Variants in KDM5A observed in about 807,000 individuals in gnomAD.
The protein encoded by KDM5A is lysine-specific demethylase 5A.
In KDM5A, 42 loss-of-function variants were observed where a neutral mutation model predicts 193.5. The observed-to-expected ratio is 0.22, with a 90% CI of 0.17 to 0.28. The LOEUF (loss-of-function observed/expected upper bound fraction) is 0.28. Ranked by LOEUF, KDM5A falls within the 10% of genes least tolerant of loss-of-function variation. The pLI, the probability that KDM5A is intolerant of heterozygous loss-of-function variation, is 1.00. For missense variants in KDM5A, 1,692 were observed against 2,055.1 expected, an observed-to-expected ratio of 0.82 and a Z score of 3.42; for synonymous variants, 796 against 718.1, an observed-to-expected ratio of 1.11 and a Z score of -1.73.
At position 307,224 on chromosome 12, in the gene KDM5A, C is replaced by T; in HGVS notation, c.3931-135G>A. The T allele has an allele frequency of 8.9e-7, 1 of 1,125,812 alleles. No homozygotes were observed. The highest frequency in any genetic ancestry group is 1.3e-6 in the Non-Finnish European group (1 of 763,388). The allele number at this position is 1,125,812 out of a possible 1,614,324, so 69.7% of individuals were successfully genotyped here. Reference sequence around the variant, plus strand: ...GAGTTCTTCAACAGTTAGTAGAAATCAAATTATTTGATTATGATGCCAAAG... The same window carrying T: ...GAGTTCTTCAACAGTTAGTAGAAATTAAATTATTTGATTATGATGCCAAAG... On this transcript the variant is annotated intron_variant, in intron 23 of 27. Transcript: ENST00000399788. This position sits in a 1 kb window ranked among gnomAD's most constrained non-coding sequence, Gnocchi z 4.3.
At chr12:384,183 G>C (rs199982060) in intron 2 of KDM5A, 30 bp from the exon 3 acceptor site, 2 of 1,520,492 alleles carry the variant, frequency 1.3e-6, no homozygotes, top group South Asian at 2.2e-5. Flanking sequence ...GAAGAACTAA[G>C]TTATGATTGA....
rs1243894634 is a variant in KDM5A at position 296,188 on chromosome 12, C to T, written c.4235-395G>A. ...ACAAAAAATTAGCCAAGCGTGGTGG[C>T]GCATGCCTATAAATCCCAGCTACTC... is the stretch of plus-strand genomic sequence containing the variant. On this transcript the variant is annotated intron_variant, in intron 25 of 27. Coordinates refer to ENST00000399788, the MANE Select transcript of KDM5A (RefSeq NM_001042603.3). 7.9e-5 allele frequency among the ~76,000 whole-genome samples: 12 copies of T among 151,774 alleles called. 1 individual carries two copies. The highest frequency in any genetic ancestry group is 6.6e-4 in the Admixed American group (10 of 15,236).
intron 14 of KDM5A, among the ~76,000 whole-genome samples, chr12:327,261 G>A (rs1389713763): frequency 1.3e-5 from 2 of 152,156 alleles, no homozygotes; most frequent in African/African-American, 2.4e-5. Context: ...GTCCCATTCA[G>A]GTTAAATCTG....
At chr12:301,155 G>C (rs747197923) in intron 24 of KDM5A, among the ~76,000 whole-genome samples, 10 of 152,084 alleles carry the variant, frequency 6.6e-5, no homozygotes, top group African/African-American at 9.7e-5. Context: ...AGAAAAAGAG[G>C]GAATCCTCCC....
chr12:287,376 A>G (rs1943231704), intron 27 of KDM5A, among the ~76,000 whole-genome samples: 1 of 152,106 alleles, frequency 6.6e-6, no homozygotes, highest in Non-Finnish European at 1.5e-5. Flanking sequence ...GTAAATTCAG[A>G]GCAACTTAAC....
chr12:345,127 T>G (rs570968440), intron 10 of KDM5A, among the ~76,000 whole-genome samples: 5 of 151,156 alleles, frequency 3.3e-5, no homozygotes, highest in African/African-American at 1.2e-4. Flanking sequence ...TCCCAGTCTC[T>G]GATAAAACAG....
At chr12:349,491 G>A (rs1944122867) in intron 10 of KDM5A, among the ~76,000 whole-genome samples, 3 of 151,248 alleles carry the variant, frequency 2.0e-5, no homozygotes, top group African/African-American at 4.9e-5. Context: ...CACCATACTC[G>A]GCTAATTTTT....
intron 3 of KDM5A, among the ~76,000 whole-genome samples, chr12:377,239 A>G (rs1944517795): frequency 6.6e-6 from 1 of 152,208 alleles, no homozygotes; most frequent in South Asian, 2.1e-4. Context: ...AGCTATAGGT[A>G]AGTAAACTAA....
At chr12:378,560 C>T (rs980974670) in intron 3 of KDM5A, among the ~76,000 whole-genome samples, 1 of 152,078 alleles carries the variant, frequency 6.6e-6, no homozygotes, top group South Asian at 2.1e-4. Context: ...CCCACTATAC[C>T]CAGCCAAAGC....
At chr12:330,958 AC>A (rs1382083497) in intron 13 of KDM5A, among the ~76,000 whole-genome samples, 1 of 152,138 alleles carries the variant, frequency 6.6e-6, no homozygotes, top group East Asian at 1.9e-4. Context: ...AAGCAACATA[AC>A]AGCCACTAAA....
intron 10 of KDM5A, 128 bp downstream of exon 10, chr12:350,493 C>A: frequency 2.0e-5 from 15 of 738,546 alleles, no homozygotes; most frequent in South Asian, 3.2e-5. Flanking sequence ...GTTTTCAAAA[C>A]TGAAGATTAT....
intron 26 of KDM5A, among the ~76,000 whole-genome samples, 183 bp downstream of exon 26, chr12:295,390 G>C (rs1027402144): frequency 2.8e-4 from 42 of 151,744 alleles, no homozygotes; most frequent in Admixed American, 6.6e-4. Flanking sequence ...GAGGAAGGAG[G>C]GAGGGAGGCA....
At chr12:290,434 G>T (rs964960797) in intron 27 of KDM5A, among the ~76,000 whole-genome samples, 1 of 152,078 alleles carries the variant, frequency 6.6e-6, no homozygotes, top group Non-Finnish European at 1.5e-5. Context: ...TTTACGTATC[G>T]TAACAGTTCA....
rs566855083 is a variant in KDM5A, at chr12:281,135, A to G, written c.*4321T>C. ...TTTTTAAATCTTTTAGATGTAATGCAATTAACCATATCTAATATTCTTTTA... is the reference window on the plus strand; with the variant it reads ...TTTTTAAATCTTTTAGATGTAATGCGATTAACCATATCTAATATTCTTTTA... On this transcript the variant is annotated 3_prime_UTR_variant, in exon 28 of 28. Transcript: ENST00000399788. The G allele has an allele frequency of 6.0e-5, 14 of 233,140 alleles. No homozygotes were observed. The South Asian group carries it at 1.3e-3, about 21-fold the overall frequency. The allele number at this position is 233,140 out of a possible 1,614,324, so 14.4% of individuals were successfully genotyped here. A position where few individuals can be genotyped will look rare whatever the true frequency, so the allele number is the denominator to read the frequency against.
In KDM5A at chr12:285,239, C is replaced by G. The variant is rs577881368; in HGVS notation, c.*217G>C. 324 of 591,662 alleles carry G rather than the reference C, an allele frequency of 5.5e-4. No individual in the cohort carries two copies. The highest frequency in any genetic ancestry group is 9.2e-4 in the Non-Finnish European group (305 of 332,070). 36.7% of individuals were successfully genotyped at this position (591,662 alleles called of 1,614,324 possible). On this transcript the variant is annotated 3_prime_UTR_variant, in exon 28 of 28. Transcript: ENST00000399788. ...ACTCAAAGGAGACATGAAATATTGG[C>G]TGTTGTACCAAAGAAGACACCCTCT...
intron 1 of KDM5A, 114 bp from the exon 2 acceptor site, chr12:386,088 C>T (rs1944634543): frequency 4.5e-5 from 33 of 738,410 alleles, no homozygotes; most frequent in South Asian, 4.4e-4. Flanking sequence ...GACTAACTTA[C>T]AAGTCTTCTT....
chr12:305,463 T>A (rs1224793079), intron 24 of KDM5A, among the ~76,000 whole-genome samples: 2 of 152,118 alleles, frequency 1.3e-5, no homozygotes, highest in African/African-American at 4.8e-5. Context: ...CTGATGAGAT[T>A]AATGAGCAGT....
rs751824352 is a variant in KDM5A, at chr12:309,925, C to T, written c.3256G>A (p.Gly1086Ser). 10 of 1,613,230 alleles carry T rather than the reference C, an allele frequency of 6.2e-6. No individual in the cohort carries two copies. In the Admixed American group the frequency reaches 1.3e-4, roughly 22 times the overall value. ...PRTDIGVYGS[G>S]KNRRKKVKEL... is the part of the protein sequence containing the mutation. ...TTTACTTTTTTCCTCCTATTTTTGC[C>T]ACTCCCATATACACCAATGTCGGTC... Residue 1086 changes from glycine to serine, a missense_variant, in exon 22 of 28, where the codon GGC becomes AGC. This residue lies in a region of KDM5A where 965 missense variants were observed against 1,061.0 expected (regional missense o/e 0.91). Transcript: ENST00000399788.
intron 7 of KDM5A, among the ~76,000 whole-genome samples, chr12:354,835 T>C (rs1486906423): frequency 6.6e-6 from 1 of 152,160 alleles, no homozygotes; most frequent in African/African-American, 2.4e-5. Flanking sequence ...AAAAATACCA[T>C]GTCCTTCTTC....
Sources: gnomAD v4.1 joint callset for allele counts (sites outside exome capture counted in the v4.1 genomes callset) on GRCh38, gnomAD v4.1.1 for gene constraint, gnomAD v4.1.1 regional missense constraint, Gnocchi (gnomAD v3.1) non-coding constraint, MANE v1.5 for transcripts, NCBI Gene and HGNC (gene_info 2026-07-23, HGNC 2026-07-21) for gene names.